PCLO: variants seen among roughly 807,000 people sequenced by gnomAD.
PCLO encodes the protein piccolo presynaptic cytomatrix protein, also known as protein piccolo.
PCLO carries 82 observed loss-of-function variants against 427.5 expected under a neutral mutation model. The ratio of observed to expected loss-of-function variants is 0.19; its 90% CI spans 0.16 to 0.23. PCLO has a LOEUF of 0.23. Ranked by LOEUF, PCLO falls within the 10% of genes least tolerant of loss-of-function variation. PCLO has a pLI of 1.00. For missense variants in PCLO, 6,239 were observed against 6,115.9 expected, an observed-to-expected ratio of 1.02 and a Z score of -0.67; for synonymous variants, 2,357 against 2,155.4, an observed-to-expected ratio of 1.09 and a Z score of -2.59.
Position 82,755,559 on chromosome 7 carries a change from A to T in PCLO, c.*3016T>A, listed in dbSNP as rs1790300634. ...ACATCAGTCTCTGATGACTCAATGA[A>T]ATTGTGGGAAAAACTGAGATGCTCT... On this transcript the variant is annotated 3_prime_UTR_variant, in exon 25 of 25. Transcript: ENST00000333891. The T allele has an allele frequency of 6.6e-6, 1 of 152,090 alleles. No individual in the cohort carries two copies. The highest frequency in any genetic ancestry group is 1.5e-5 in the Non-Finnish European group (1 of 68,004). The allele number at this position is 152,090 out of a possible 1,614,324, so 9.4% of individuals were successfully genotyped here.
chr7:82,785,571 G>T (rs924378839), intron 22 of PCLO, among the ~76,000 whole-genome samples: 2 of 152,136 alleles, frequency 1.3e-5, no homozygotes, highest in African/African-American at 4.8e-5. Flanking sequence ...AAAAGAGATA[G>T]AACTTAAAAA....
At chr7:82,865,739 T>A (rs62461395) in intron 10 of PCLO, among the ~76,000 whole-genome samples, 38,928 of 151,938 alleles carry the variant, frequency 0.26, 5,332 homozygotes, top group Middle Eastern at 0.3. Context: ...TTAACTAAAT[T>A]AAATACACAT....
intron 6 of PCLO, among the ~76,000 whole-genome samples, chr7:82,932,130 T>A (rs1459136718): frequency 6.6e-6 from 1 of 152,078 alleles, no homozygotes. Context: ...GAAAGGAAAC[T>A]GAGTAATTAA....
At position 82,801,610 on chromosome 7, in the gene PCLO, A is replaced by C; in HGVS notation, c.14934-19T>G. ...CTTCCCTCTGTTTAGAAATAAAATA[A>C]AATGATATATTCAGTTATGATCTCA... On this transcript the variant is annotated intron_variant, in intron 21 of 24. Coordinates refer to ENST00000333891, the MANE Select transcript of PCLO (RefSeq NM_033026.6). 1 of 1,439,008 alleles carries C rather than the reference A, an allele frequency of 6.9e-7. No individual in the cohort carries two copies. The highest frequency in any genetic ancestry group is 2.3e-5 in the East Asian group (1 of 43,932). The allele number at this position is 1,439,008 out of a possible 1,614,324, so 89.1% of individuals were successfully genotyped here.
At chr7:83,162,270 C>A in intron 1 of PCLO, 75 bp downstream of exon 1, 1 of 1,462,688 alleles carries the variant, frequency 6.8e-7, no homozygotes, top group South Asian at 1.3e-5. Context: ...GCCGTGCTGG[C>A]ACATACAGGC....
rs1411451039 is a variant in PCLO, at chr7:82,955,964, C to CCCT, written c.4986_4988dup (p.Gly1663dup). On this transcript the variant is annotated inframe_insertion, in exon 5 of 25. Coordinates refer to ENST00000333891, the MANE Select transcript of PCLO (RefSeq NM_033026.6). Reference sequence around the variant, plus strand: ...GCTCAATTGTTTTAAATCGGCGTAGCCCTCCTCCTCCAGTAACTACAAGTT... The same window carrying CCCT: ...GCTCAATTGTTTTAAATCGGCGTAGCCCTCCTCCTCCTCCAGTAACTACAAGTT... The CCCT allele has an allele frequency of 6.2e-7, 1 of 1,613,446 alleles. No homozygotes were observed. The highest frequency in any genetic ancestry group is 8.5e-7 in the Non-Finnish European group (1 of 1,179,828).
intron 3 of PCLO, among the ~76,000 whole-genome samples, chr7:83,114,438 T>C (rs1791082070): frequency 6.6e-6 from 1 of 152,112 alleles, no homozygotes; most frequent in Non-Finnish European, 1.5e-5. Flanking sequence ...GAATTAAAAG[T>C]ATATACTTTG....
chr7:82,906,193 A>G (rs977723595), intron 8 of PCLO, among the ~76,000 whole-genome samples: 2 of 152,010 alleles, frequency 1.3e-5, no homozygotes, highest in African/African-American at 4.8e-5. Flanking sequence ...ATATTCTTCT[A>G]TGCCTCTAAT....
chr7:82,901,464 T>C lies in PCLO; in HGVS notation c.13528+1187A>G, dbSNP rs1247197063. On this transcript the variant is annotated intron_variant, in intron 9 of 24. Transcript: ENST00000333891. ...GACGTACATGTTAGACCTAAAACCA[T>C]AATAATCCCAGCAGAAAACCTAGGC... Among the ~76,000 whole-genome samples the C allele has an allele frequency of 3.9e-5, 6 of 152,070 alleles. No homozygotes were observed. In the South Asian group the frequency reaches 1.0e-3, roughly 26 times the overall value.
chr7:82,951,172 A>G lies in PCLO; in HGVS notation c.9416T>C (p.Met3139Thr), dbSNP rs1359768808. ...TGTTGTTATAAAATATGATCTAGGC[A>G]TTGGCTGGCTATGGTGCATGGCAGG... is the stretch of plus-strand genomic sequence containing the variant. ...SLPAMHHSQP[M>T]PRSYFITTGA... The change falls in exon 6 of 25, where the codon ATG (methionine) becomes ACG (threonine). Residue 3139 changes from methionine (M) to threonine (T), a missense_variant. Met to Thr is a moderately conservative substitution (Grantham distance 81, BLOSUM62 -1). Transcript: ENST00000333891. The G allele has an allele frequency of 4.3e-6, 7 of 1,613,760 alleles. No individual in the cohort carries two copies. Among genetic ancestry groups the G allele is most frequent in the Non-Finnish European group, 4.2e-6 (5 of 1,179,780 alleles).
chr7:82,772,320 C>T (rs1790664277), intron 22 of PCLO, among the ~76,000 whole-genome samples: 1 of 151,896 alleles, frequency 6.6e-6, no homozygotes, highest in Admixed American at 6.6e-5. Flanking sequence ...TATGGTTTCA[C>T]CCAAAATAAA....
intron 3 of PCLO, among the ~76,000 whole-genome samples, chr7:83,108,276 G>A (rs949477608): frequency 6.6e-5 from 10 of 151,974 alleles, no homozygotes; most frequent in Admixed American, 6.6e-4. Flanking sequence ...GAGATTCTAA[G>A]TCCATATTTA....
chr7:83,141,100 A>G (rs1584078810), intron 2 of PCLO, among the ~76,000 whole-genome samples: 1 of 152,344 alleles, frequency 6.6e-6, no homozygotes, highest in East Asian at 1.9e-4. Context: ...GGTTTCCTAA[A>G]GAACTTCCCA....
chr7:82,824,100 C>T (rs1246567629), intron 19 of PCLO, 136 bp downstream of exon 19: 13 of 582,086 alleles, frequency 2.2e-5, no homozygotes, highest in African/African-American at 2.1e-4. Context: ...CCACTCTTTG[C>T]ATGACATTAT....
intron 3 of PCLO, among the ~76,000 whole-genome samples, chr7:83,064,205 C>T (rs4430039): frequency 0.35 from 53,276 of 151,650 alleles, 9,468 homozygotes; most frequent in Admixed American, 0.42. Context: ...CTTAAATATA[C>T]CATAAGAGAG....
intron 22 of PCLO, among the ~76,000 whole-genome samples, chr7:82,786,354 T>A (rs1055589561): frequency 2.0e-5 from 3 of 152,124 alleles, no homozygotes; most frequent in African/African-American, 7.2e-5. Context: ...AAAACTACAA[T>A]CTGATATATT....
chr7:82,815,568 T>C (rs1278577834), intron 20 of PCLO, among the ~76,000 whole-genome samples: 2 of 152,162 alleles, frequency 1.3e-5, no homozygotes, highest in African/African-American at 4.8e-5. Flanking sequence ...GGTTTTCAAT[T>C]TGAAATGTTT....
chr7:82,946,313 T>C (rs1018874663), intron 6 of PCLO, among the ~76,000 whole-genome samples: 4 of 152,142 alleles, frequency 2.6e-5, no homozygotes, highest in East Asian at 1.9e-4. Flanking sequence ...ACCTACTTCA[T>C]GCCAGGCACT....
chr7:83,083,665 A>G (rs1790159249), intron 3 of PCLO, among the ~76,000 whole-genome samples: 1 of 152,070 alleles, frequency 6.6e-6, no homozygotes, highest in African/African-American at 2.4e-5. Flanking sequence ...TCTGTTTCCT[A>G]TTAGTGAATA....
Sources: allele counts gnomAD v4.1 joint callset (sites outside exome capture counted in the v4.1 genomes callset), GRCh38; gene constraint gnomAD v4.1.1; transcripts MANE v1.5; gene names NCBI Gene and HGNC (gene_info 2026-07-23, HGNC 2026-07-21).